Variants in KDM4D observed in about 807,000 individuals in gnomAD.
The protein encoded by KDM4D is lysine-specific demethylase 4D.
For missense variants in KDM4D, 427 were observed against 674.8 expected, an observed-to-expected ratio of 0.63 and a Z score of 4.07; for synonymous variants, 254 against 249.1, an observed-to-expected ratio of 1.02 and a Z score of -0.19.
Position 94,999,048 on chromosome 11 carries a change from G to T in KDM4D, c.*104G>T. On this transcript the variant is annotated 3_prime_UTR_variant, in exon 3 of 3. Transcript: ENST00000335080. ...TTTGGTTGAGTTTGCAGGACTCTAG[G>T]CATGCATGAAAGAGCCCCCCTGGTG... 4.3e-6 allele frequency: 5 copies of T among 1,154,964 alleles called. No individual in the cohort carries two copies. The highest frequency in any genetic ancestry group is 1.5e-5 in the African/African-American group (1 of 64,700). 71.5% of individuals were successfully genotyped at this position (1,154,964 alleles called of 1,614,324 possible). A position where few individuals can be genotyped will look rare whatever the true frequency, so the allele number is the denominator to read the frequency against.
intron 2 of KDM4D, among the ~76,000 whole-genome samples, chr11:94,991,890 C>A (rs933828046): frequency 6.6e-6 from 1 of 151,090 alleles, no homozygotes; most frequent in African/African-American, 2.4e-5. Context: ...CTTCTATAAA[C>A]GTTGATAGAG....
intron 2 of KDM4D, among the ~76,000 whole-genome samples, chr11:94,982,844 T>C (rs1307342128): frequency 6.6e-6 from 1 of 152,032 alleles, no homozygotes; most frequent in Non-Finnish European, 1.5e-5. Context: ...TTCATTGATA[T>C]ACATGCAACA....
intron 2 of KDM4D, among the ~76,000 whole-genome samples, chr11:94,992,161 C>G (rs1344595332): frequency 1.3e-5 from 2 of 151,822 alleles, no homozygotes; most frequent in African/African-American, 4.8e-5. Flanking sequence ...TTATAACTTT[C>G]TAAACATGAA....
intron 2 of KDM4D, among the ~76,000 whole-genome samples, chr11:94,977,868 A>G (rs924993346): frequency 1.3e-5 from 2 of 152,166 alleles, no homozygotes; most frequent in Non-Finnish European, 2.9e-5. Context: ...CAGTTTCCAT[A>G]TGAGTGAATA....
chr11:94,976,013 GC>G (rs1304762647), intron 2 of KDM4D, among the ~76,000 whole-genome samples: 1 of 152,108 alleles, frequency 6.6e-6, no homozygotes, highest in Non-Finnish European at 1.5e-5. Context: ...AAAATTAAAA[GC>G]TTTTGACTTA....
chr11:94,996,828 A>T (rs1857979202), intron 2 of KDM4D, among the ~76,000 whole-genome samples, 196 bp from the exon 3 acceptor site: 1 of 152,226 alleles, frequency 6.6e-6, no homozygotes, highest in Non-Finnish European at 1.5e-5. Flanking sequence ...CAAAGTGATT[A>T]TAGTGCTTCA....
intron 2 of KDM4D, among the ~76,000 whole-genome samples, chr11:94,979,928 A>G (rs1857830306): frequency 6.6e-6 from 1 of 152,168 alleles, no homozygotes; most frequent in Non-Finnish European, 1.5e-5. Flanking sequence ...ATAGTGATAT[A>G]TCATTGAGGT....
chr11:94,977,790 C>T (rs989055789), intron 2 of KDM4D, among the ~76,000 whole-genome samples: 4 of 152,034 alleles, frequency 2.6e-5, no homozygotes, highest in African/African-American at 9.7e-5. Flanking sequence ...GGGCAGAGAT[C>T]TTTGTTTTGC....
chr11:94,986,141 AT>A (rs1857885574), intron 2 of KDM4D, among the ~76,000 whole-genome samples: 1 of 152,218 alleles, frequency 6.6e-6, no homozygotes, highest in South Asian at 2.1e-4. Context: ...ACATTTTCAA[AT>A]CATATATCCA....
At chr11:94,981,387 T>C (rs1006977853) in intron 2 of KDM4D, among the ~76,000 whole-genome samples, 4 of 152,068 alleles carry the variant, frequency 2.6e-5, no homozygotes, top group Non-Finnish European at 5.9e-5. Flanking sequence ...ATTCTTTCTT[T>C]TTCTATTCTC....
intron 2 of KDM4D, among the ~76,000 whole-genome samples, chr11:94,991,415 G>A (rs1236881665): frequency 6.6e-6 from 1 of 152,148 alleles, no homozygotes; most frequent in Non-Finnish European, 1.5e-5. Flanking sequence ...AACAGACCAT[G>A]CAGGGAGAAA....
chr11:94,986,040 T>C (rs112521999), intron 2 of KDM4D, among the ~76,000 whole-genome samples: 38 of 152,166 alleles, frequency 2.5e-4, no homozygotes, highest in Non-Finnish European at 5.1e-4. Context: ...CAACAAAAAT[T>C]GATAAGACGG....
chr11:94,978,771 T>G (rs1000839289), intron 2 of KDM4D, among the ~76,000 whole-genome samples: 6 of 152,186 alleles, frequency 3.9e-5, no homozygotes, highest in Non-Finnish European at 5.9e-5. Context: ...TTAAAAACCT[T>G]GATGTAGCAA....
rs771482908 is a variant in KDM4D, at chr11:94,998,152, C to A, written c.780C>A (p.Pro260=). ...CAGTTCTCAAGGAAAATGGGATTCC[C>A]TTCAATCGCATAACTCAGGAGGCTG... ...SPTVLKENGI[P]FNRITQEAGE... The change falls in exon 3 of 3, where the codon CCC becomes CCA. Residue 260 remains proline, a synonymous_variant. Coordinates refer to ENST00000335080, the MANE Select transcript of KDM4D (RefSeq NM_018039.3). The surrounding 1 kb of genome is among the most constrained non-coding windows in gnomAD (Gnocchi z 6.7). 6.2e-7 allele frequency: 1 copy of A among 1,614,202 alleles called. No homozygotes were observed. Among genetic ancestry groups the A allele is most frequent in the Non-Finnish European group, 8.5e-7 (1 of 1,180,046 alleles).
chr11:94,989,602 T>C (rs1157681391), intron 2 of KDM4D, among the ~76,000 whole-genome samples: 1 of 152,230 alleles, frequency 6.6e-6, no homozygotes, highest in Non-Finnish European at 1.5e-5. Context: ...TGTCCATGCC[T>C]GATACTTGCT....
At chr11:94,979,655 G>A (rs1857828273) in intron 2 of KDM4D, among the ~76,000 whole-genome samples, 1 of 152,080 alleles carries the variant, frequency 6.6e-6, no homozygotes, top group African/African-American at 2.4e-5. Context: ...CACTTAATGT[G>A]TGCTATCTGT....
At chr11:94,979,283 G>A (rs1857824230) in intron 2 of KDM4D, among the ~76,000 whole-genome samples, 1 of 152,032 alleles carries the variant, frequency 6.6e-6, no homozygotes, top group East Asian at 1.9e-4. Context: ...AGGCTGGACT[G>A]CAGTGGCACA....
chr11:94,998,485 G>A lies in KDM4D; in HGVS notation c.1113G>A (p.Ala371=), dbSNP rs1194277370. 10 of 1,612,160 alleles carry A rather than the reference G, an allele frequency of 6.2e-6. No individual in the cohort carries two copies. The highest frequency in any genetic ancestry group is 1.1e-5 in the South Asian group (1 of 91,082). Residue 371 remains alanine (A), a synonymous_variant, in exon 3 of 3, where the codon GCG becomes GCA. Transcript: ENST00000335080. This position sits in a 1 kb window ranked among gnomAD's most constrained non-coding sequence, Gnocchi z 6.7. ...AAGTCCAGTTACCCAGGAGAGCAGC[G>A]CTGGGCCTGAGACAACTCCCTTCCC... is the stretch of plus-strand genomic sequence containing the variant. The part of the protein sequence containing the change: ...QKEVQLPRRA[A]LGLRQLPSHW...
Position 94,998,876 on chromosome 11 carries a change from G to C in KDM4D, c.1504G>C (p.Val502Leu). The change falls in exon 3 of 3, where the codon GTA becomes CTA. Residue 502 changes from valine to leucine, a missense_variant. Transcript: ENST00000335080. The surrounding 1 kb of genome is among the most constrained non-coding windows in gnomAD (Gnocchi z 6.7). ...PEDGALMDKP[V>L]PLSPGLQHPV... The stretch of plus-strand genomic sequence containing the variant: ...GGATGGGGCTTTGATGGACAAGCCT[G>C]TACCACTGAGCCCAGGGCTCCAGCA... 3 of 1,531,582 alleles carry C rather than the reference G, an allele frequency of 2.0e-6. No homozygotes were observed. In the South Asian group the frequency reaches 3.9e-5, roughly 20 times the overall value. The allele number at this position is 1,531,582 out of a possible 1,614,324, so 94.9% of individuals were successfully genotyped here.
Sources: allele counts gnomAD v4.1 joint callset (sites outside exome capture counted in the v4.1 genomes callset), GRCh38; gene constraint gnomAD v4.1.1; non-coding constraint Gnocchi (gnomAD v3.1); transcripts MANE v1.5; gene names NCBI Gene and HGNC (gene_info 2026-07-23, HGNC 2026-07-21).